The following NAA15 variants were observed in gnomAD, a reference collection of about 807,000 sequenced individuals.
NAA15 encodes the protein N-alpha-acetyltransferase 15, NatA auxiliary subunit.
NAA15 carries 34 observed loss-of-function variants against 114.0 expected under a neutral mutation model. The ratio of observed to expected loss-of-function variants is 0.30; its 90% CI spans 0.23 to 0.40. NAA15 has a LOEUF of 0.40. Among genes scored for constraint, NAA15 ranks in the 10% least tolerant of loss-of-function variants. NAA15 has a pLI of 1.00. For synonymous variants in NAA15, 340 were observed against 338.0 expected (o/e 1.01, Z -0.06); for missense variants, 658 against 1,004.5 (o/e 0.66, Z 4.66).
chr4:139,312,374 A>G (rs772032326), intron 1 of NAA15, among the ~76,000 whole-genome samples: 19 of 151,896 alleles, frequency 1.3e-4, no homozygotes, highest in Non-Finnish European at 2.5e-4. Flanking sequence ...GTAGGCTTAA[A>G]CATCTAAGTT....
chr4:139,346,615 A>G (rs1460713683), intron 6 of NAA15, among the ~76,000 whole-genome samples: 2 of 151,228 alleles, frequency 1.3e-5, no homozygotes, highest in East Asian at 3.9e-4. Flanking sequence ...CAGTGGCGCG[A>G]TCTTGGCTCG....
chr4:139,304,898 G>T (rs1745957871), intron 1 of NAA15, among the ~76,000 whole-genome samples: 1 of 152,050 alleles, frequency 6.6e-6, no homozygotes, highest in South Asian at 2.1e-4. Flanking sequence ...TCCTCTATTT[G>T]TATAATTTTG....
chr4:139,371,539 A>ACACC (rs759965286), intron 15 of NAA15, among the ~76,000 whole-genome samples: 4 of 148,230 alleles, frequency 2.7e-5, no homozygotes, highest in Non-Finnish European at 4.5e-5. Context: ...ACACACACAC[A>ACACC]CACGAAATAT....
At chr4:139,386,032 C>T (rs1406931206) in intron 18 of NAA15, 101 bp from the exon 19 acceptor site, 3 of 591,300 alleles carry the variant, frequency 5.1e-6, no homozygotes, top group African/African-American at 1.9e-5. Context: ...AAGTGCCACA[C>T]CCTCTGCATA....
intron 17 of NAA15, 28 bp from the exon 18 acceptor site, chr4:139,384,804 G>A (rs1375380567): frequency 3.0e-6 from 4 of 1,335,762 alleles, no homozygotes; most frequent in Non-Finnish European, 3.0e-6. Flanking sequence ...GTATTCAACT[G>A]CTAAGATTTT....
intron 1 of NAA15, among the ~76,000 whole-genome samples, chr4:139,303,199 ATTTTG>A (rs759451985): frequency 1.7e-4 from 26 of 152,202 alleles, no homozygotes; most frequent in Non-Finnish European, 3.4e-4. Flanking sequence ...TCTTACTGGA[ATTTTG>A]TTTTGTTTTA....
chr4:139,333,582 T>A (rs1229085106), intron 1 of NAA15, among the ~76,000 whole-genome samples: 1 of 152,160 alleles, frequency 6.6e-6, no homozygotes. Context: ...AAGAAAATGT[T>A]CTTTAGAAAA....
chr4:139,306,680 T>C (rs1342893637), intron 1 of NAA15, among the ~76,000 whole-genome samples: 2 of 152,152 alleles, frequency 1.3e-5, no homozygotes, highest in Non-Finnish European at 2.9e-5. Context: ...ATTAGAAAAT[T>C]GTGGCCTTTG....
At chr4:139,380,105 G>C (rs938872141) in intron 17 of NAA15, among the ~76,000 whole-genome samples, 1 of 152,132 alleles carries the variant, frequency 6.6e-6, no homozygotes, top group Non-Finnish European at 1.5e-5. Context: ...ATTATACTAC[G>C]CTTGTCCAAA....
intron 15 of NAA15, among the ~76,000 whole-genome samples, chr4:139,371,023 C>G (rs1748421174): frequency 6.6e-6 from 1 of 152,118 alleles, no homozygotes; most frequent in Admixed American, 6.5e-5. Context: ...TCACATGAAC[C>G]ATTTTGATTA....
intron 6 of NAA15, among the ~76,000 whole-genome samples, chr4:139,344,692 A>G (rs1418864507): frequency 6.6e-6 from 1 of 152,240 alleles, no homozygotes; most frequent in East Asian, 1.9e-4. Context: ...CAGTTTATTA[A>G]TAAACTATAG....
intron 19 of NAA15, among the ~76,000 whole-genome samples, chr4:139,386,921 TG>T (rs1237415747): frequency 7.9e-5 from 12 of 152,208 alleles, no homozygotes; most frequent in African/African-American, 2.7e-4. Flanking sequence ...TTAATATGGG[TG>T]TATTGTAAAA....
In NAA15 at chr4:139,351,395, A is replaced by G. The variant is rs561993597; in HGVS notation, c.907+109A>G. 7 of 1,036,556 alleles carry G rather than the reference A, an allele frequency of 6.8e-6. No homozygotes were observed. In the East Asian group the frequency reaches 1.4e-4, roughly 21 times the overall value. 64.2% of individuals were successfully genotyped at this position (1,036,556 alleles called of 1,614,324 possible). ...TTAAGTTTAAGCTATACATTGTTAG[A>G]GTTGTCTAACAACTCTGCTAAATGT... On this transcript the variant is annotated intron_variant, in intron 8 of 19. Transcript: ENST00000296543.
intron 1 of NAA15, among the ~76,000 whole-genome samples, chr4:139,310,587 T>G (rs1746190654): frequency 2.0e-5 from 3 of 151,832 alleles, no homozygotes. Flanking sequence ...GGACTTCTGC[T>G]CAGATGTCCT....
At chr4:139,364,298 TG>T (rs1748216891) in intron 14 of NAA15, among the ~76,000 whole-genome samples, 1 of 152,300 alleles carries the variant, frequency 6.6e-6, no homozygotes, top group East Asian at 1.9e-4. Context: ...TCTTTTTTTG[TG>T]GCTTCTAGGT....
intron 11 of NAA15, among the ~76,000 whole-genome samples, 187 bp downstream of exon 11, chr4:139,357,742 T>C (rs530441236): frequency 3.2e-4 from 49 of 152,356 alleles, no homozygotes; most frequent in African/African-American, 1.1e-3. Flanking sequence ...TTTGGTGATT[T>C]ATCTATATCC....
In NAA15 at chr4:139,329,884, T is replaced by A. The variant is rs920771489; in HGVS notation, c.55-4290T>A. Among the ~76,000 whole-genome samples the A allele has an allele frequency of 8.5e-5, 13 of 152,276 alleles. No homozygotes were observed. In the East Asian group the frequency reaches 2.1e-3, roughly 25 times the overall value. On this transcript the variant is annotated intron_variant, in intron 1 of 19. Coordinates refer to ENST00000296543, the MANE Select transcript of NAA15 (RefSeq NM_057175.5). Reference sequence around the variant, plus strand: ...AACTCTGTGGACTCCTGTAGTTTGCTTGGGATCCTTCTTCCTGTGCTGTGA... The same window carrying A: ...AACTCTGTGGACTCCTGTAGTTTGCATGGGATCCTTCTTCCTGTGCTGTGA...
At position 139,385,149 on chromosome 4, in the gene NAA15, G is replaced by T. The variant is rs115337787; in HGVS notation, c.2302+171G>T. 8.7e-3 allele frequency among the ~76,000 whole-genome samples: 1,313 copies of T among 151,136 alleles called. 16 individuals carry two copies. The highest frequency in any genetic ancestry group is 0.031 in the African/African-American group (1,253 of 40,848). ...TAAGCTTCCTAAGCTGGGCACAGTG[G>T]CACATACCGGTAGTCCCAGCTACTC... On this transcript the variant is annotated intron_variant, in intron 18 of 19. Coordinates refer to ENST00000296543, the MANE Select transcript of NAA15 (RefSeq NM_057175.5).
At chr4:139,376,188 A>G (rs1748575911) in intron 15 of NAA15, among the ~76,000 whole-genome samples, 177 bp from the exon 16 acceptor site, 1 of 152,174 alleles carries the variant, frequency 6.6e-6, no homozygotes, top group Non-Finnish European at 1.5e-5. Context: ...AAATCAGTTA[A>G]GAATTCTAGA....
Sources: allele counts gnomAD v4.1 joint callset (sites outside exome capture counted in the v4.1 genomes callset), GRCh38; gene constraint gnomAD v4.1.1; transcripts MANE v1.5; gene names NCBI Gene and HGNC (gene_info 2026-07-23, HGNC 2026-07-21).